CAPRIN1: variants seen among roughly 807,000 people sequenced by gnomAD.
CAPRIN1 encodes the protein cell cycle associated protein 1, also known as caprin-1.
A neutral mutation model predicts 100.9 loss-of-function variants in CAPRIN1; 29 were observed. That is an observed-to-expected ratio of 0.29 (90% CI 0.21 to 0.39). The LOEUF (loss-of-function observed/expected upper bound fraction) is 0.39. CAPRIN1 is among the 10% of genes least tolerant of loss of function. The pLI is 1.00. For synonymous variants in CAPRIN1, 338 were observed against 307.5 expected, an observed-to-expected ratio of 1.10 and a Z score of -1.04; for missense variants, 795 against 876.7, an observed-to-expected ratio of 0.91 and a Z score of 1.18.
At chr11:34,098,170 T>C (rs1851399352) in intron 18 of CAPRIN1, 1 of 1,001,734 alleles carries the variant, frequency 1.0e-6, no homozygotes, top group Non-Finnish European at 1.2e-6. Flanking sequence ...CCTATTATAT[T>C]TTAGGGCCAG....
chr11:34,054,324 A>G (rs1006945195), intron 2 of CAPRIN1, among the ~76,000 whole-genome samples: 3 of 152,212 alleles, frequency 2.0e-5, no homozygotes, highest in Non-Finnish European at 4.4e-5. Context: ...AAGTATTTTA[A>G]GTGTAAGGTA....
chr11:34,099,325 C>T lies in CAPRIN1; in HGVS notation c.2088C>T (p.Pro696=), dbSNP rs1851418240. 1.2e-6 allele frequency: 2 copies of T among 1,613,552 alleles called. No individual in the cohort carries two copies. Among genetic ancestry groups the T allele is most frequent in the Non-Finnish European group, 1.7e-6 (2 of 1,179,776 alleles). The part of the protein sequence containing the change: ...APRGRGGPPR[P]NRGMPQMNTQ... ...TAGGTCGTGGAGGGCCCCCAAGACCCAACAGAGGGATGCCGCAAATGAACA... is the reference window on the plus strand; with the variant it reads ...TAGGTCGTGGAGGGCCCCCAAGACCTAACAGAGGGATGCCGCAAATGAACA... Residue 696 remains proline, a synonymous_variant, in exon 19 of 19, where the codon CCC becomes CCT. Transcript: ENST00000341394.
intron 16 of CAPRIN1, among the ~76,000 whole-genome samples, chr11:34,096,884 T>C (rs1399647982): frequency 3.9e-5 from 6 of 152,242 alleles, no homozygotes. Context: ...CATTTGGTTA[T>C]GTCAAATTAA....
intron 8 of CAPRIN1, 23 bp downstream of exon 8, chr11:34,082,900 C>T: frequency 6.2e-7 from 1 of 1,613,072 alleles, no homozygotes; most frequent in East Asian, 2.2e-5. Context: ...TTTAATGCTG[C>T]CTTTACTTTG....
chr11:34,068,666 T>A (rs1850747827), intron 2 of CAPRIN1, among the ~76,000 whole-genome samples: 1 of 152,234 alleles, frequency 6.6e-6, no homozygotes, highest in African/African-American at 2.4e-5. Context: ...TTGCGTGGAA[T>A]TCTTATTGTT....
chr11:34,079,886 A>G, intron 7 of CAPRIN1, 121 bp downstream of exon 7: 1 of 805,800 alleles, frequency 1.2e-6, no homozygotes, highest in Non-Finnish European at 1.8e-6. Flanking sequence ...ATTTTTAAAG[A>G]GACTTTAAGC....
At chr11:34,069,401 G>C (rs1850767010) in intron 2 of CAPRIN1, among the ~76,000 whole-genome samples, 1 of 151,836 alleles carries the variant, frequency 6.6e-6, no homozygotes, top group South Asian at 2.1e-4. Flanking sequence ...GCCGACGTTG[G>C]CCTCCCAAAA....
chr11:34,092,981 A>C (rs1218659175), intron 15 of CAPRIN1, among the ~76,000 whole-genome samples: 1 of 151,346 alleles, frequency 6.6e-6, no homozygotes, highest in African/African-American at 2.4e-5. Context: ...CCTCCTGAGT[A>C]GTTGGTAGTT....
intron 2 of CAPRIN1, among the ~76,000 whole-genome samples, chr11:34,054,185 G>A (rs114642764): frequency 0.013 from 1,968 of 152,150 alleles, 29 homozygotes; most frequent in African/African-American, 0.043. Context: ...CGGTATTGAA[G>A]GTTGGAAGTT....
chr11:34,088,778 T>G (rs1851200083), intron 11 of CAPRIN1, among the ~76,000 whole-genome samples: 1 of 152,216 alleles, frequency 6.6e-6, no homozygotes, highest in Admixed American at 6.5e-5. Context: ...TGGCACTGAT[T>G]ATTTGTTAGT....
intron 4 of CAPRIN1, among the ~76,000 whole-genome samples, chr11:34,074,648 C>T (rs753080664): frequency 6.6e-6 from 1 of 152,194 alleles, no homozygotes; most frequent in Non-Finnish European, 1.5e-5. Context: ...TTTGGAAGGC[C>T]GAGGTGGGTG....
At chr11:34,052,706 C>T (rs1850351430) in intron 2 of CAPRIN1, 70 bp downstream of exon 2, 2 of 1,489,570 alleles carry the variant, frequency 1.3e-6, no homozygotes, top group Admixed American at 4.3e-5. Flanking sequence ...ACCCTGGTCG[C>T]TGGAGCCTTC....
intron 2 of CAPRIN1, among the ~76,000 whole-genome samples, chr11:34,069,659 A>T (rs999873333): frequency 2.8e-4 from 43 of 151,872 alleles, no homozygotes; most frequent in South Asian, 6.2e-4. Flanking sequence ...GTAAAAAAAA[A>T]TTTTTTTCCC....
At chr11:34,060,132 G>T (rs932770285) in intron 2 of CAPRIN1, among the ~76,000 whole-genome samples, 7 of 140,418 alleles carry the variant, frequency 5.0e-5, no homozygotes, top group African/African-American at 1.9e-4. Context: ...GGAGGCAGAC[G>T]TTGCAGTGAG....
Position 34,082,992 on chromosome 11 carries a change from C to T in CAPRIN1, c.917C>T (p.Thr306Ile), listed in dbSNP as rs1590738345. 1.9e-6 allele frequency: 3 copies of T among 1,614,004 alleles called. No individual in the cohort carries two copies. Among genetic ancestry groups the T allele is most frequent in the Non-Finnish European group, 2.5e-6 (3 of 1,179,952 alleles). The change falls in exon 9 of 19, where the codon ACC becomes ATC. Residue 306 changes from threonine to isoleucine, a missense_variant. Physicochemically the swap from Thr to Ile is moderately conservative, Grantham distance 89. This residue lies in a region of CAPRIN1 where 648 missense variants were observed against 697.9 expected (regional missense o/e 0.93). Transcript: ENST00000341394. Reference protein sequence around the residue: ...NRQFMAETQFTSGEKEQVDEW... With the variant: ...NRQFMAETQFISGEKEQVDEW... The stretch of plus-strand genomic sequence containing the variant: ...CAGTTCATGGCAGAAACACAGTTCA[C>T]CAGTGGTGAAAAGGAGCAGGTAGAT...
intron 12 of CAPRIN1, 146 bp downstream of exon 12, chr11:34,089,602 A>G (rs556350366): frequency 1.2e-4 from 46 of 384,408 alleles, no homozygotes; most frequent in Non-Finnish European, 1.8e-4. Context: ...CACCATCTCT[A>G]TTTTAAAAAA....
At chr11:34,055,408 C>A (rs924969145) in intron 2 of CAPRIN1, among the ~76,000 whole-genome samples, 1 of 152,296 alleles carries the variant, frequency 6.6e-6, no homozygotes, top group South Asian at 2.1e-4. Flanking sequence ...CTGCAACCTC[C>A]GCCTCCTGGG....
In CAPRIN1 at chr11:34,065,876, G is replaced by A. The variant is rs1382317521; in HGVS notation, c.217-5850G>A. ...AAGCTTAGGCAAGGACAGGGGATAG[G>A]ATATTTATAATAGTAGTGTAGAAAA... On this transcript the variant is annotated intron_variant, in intron 2 of 18. Coordinates refer to ENST00000341394, the MANE Select transcript of CAPRIN1 (RefSeq NM_005898.5). Among the ~76,000 whole-genome samples, 5 of 152,172 alleles carry A rather than the reference G, an allele frequency of 3.3e-5. No homozygotes were observed. The South Asian group carries it at 1.0e-3, about 31-fold the overall frequency.
chr11:34,096,475 A>G lies in CAPRIN1; in HGVS notation c.1706-4A>G, dbSNP rs1427335142. 2 of 1,610,476 alleles carry G rather than the reference A, an allele frequency of 1.2e-6. No individual in the cohort carries two copies. Among genetic ancestry groups the G allele is most frequent in the African/African-American group, 1.3e-5 (1 of 74,788 alleles). ...TATATATCTTTTTCTTTTTTAAATT[A>G]TAGTGGTTGGCACTTACCATGGTTC... On this transcript the variant is annotated splice_polypyrimidine_tract_variant and splice_region_variant and intron_variant, in intron 15 of 18. Transcript: ENST00000341394.
Sources: gnomAD v4.1 joint callset for allele counts (sites outside exome capture counted in the v4.1 genomes callset) on GRCh38, gnomAD v4.1.1 for gene constraint, gnomAD v4.1.1 regional missense constraint, MANE v1.5 for transcripts, NCBI Gene and HGNC (gene_info 2026-07-23, HGNC 2026-07-21) for gene names.